HDAC9: variants seen among roughly 807,000 people sequenced by gnomAD.
HDAC9 encodes the protein MEF-2 interacting transcription repressor (MITR) protein.
A neutral mutation model predicts 139.4 loss-of-function variants in HDAC9; 41 were observed. The observed-to-expected ratio is 0.29, with a 90% CI of 0.23 to 0.38. The LOEUF (loss-of-function observed/expected upper bound fraction) is 0.38, where lower values mean the gene tolerates loss of function less well. Among genes scored for constraint, HDAC9 ranks in the 10% least tolerant of loss-of-function variants. The pLI, the probability that HDAC9 is intolerant of heterozygous loss-of-function variation, is 1.00. For synonymous variants in HDAC9, 517 were observed against 476.2 expected (o/e 1.09, Z -1.12); for missense variants, 1,147 against 1,297.0 (o/e 0.88, Z 1.78).
chr7:18,995,191 A>G (rs192944011), intron 25 of HDAC9, among the ~76,000 whole-genome samples: 2 of 152,342 alleles, frequency 1.3e-5, no homozygotes, highest in African/African-American at 4.8e-5. Context: ...TTAAATCAGC[A>G]GTTGCAAAAT....
At chr7:18,245,886 A>C (rs1430506258) in intron 2 of HDAC9, among the ~76,000 whole-genome samples, 1 of 151,916 alleles carries the variant, frequency 6.6e-6, no homozygotes, top group Non-Finnish European at 1.5e-5. Flanking sequence ...ATAGTGAATG[A>C]ATCAGGCTTA....
At chr7:18,279,993 A>G (rs771049295) in intron 2 of HDAC9, among the ~76,000 whole-genome samples, 23 of 152,234 alleles carry the variant, frequency 1.5e-4, no homozygotes, top group Non-Finnish European at 2.4e-4. Context: ...TACCCTTAAA[A>G]AGATTGAAAA....
chr7:18,989,813 A>G (rs1002131101), intron 25 of HDAC9, among the ~76,000 whole-genome samples: 8 of 124,438 alleles, frequency 6.4e-5, no homozygotes, highest in Non-Finnish European at 1.2e-4. Flanking sequence ...TTCATCTTCC[A>G]TTGCTGATAC....
At chr7:18,874,437 C>A in intron 21 of HDAC9, 41 bp from the exon 22 acceptor site, 1 of 1,275,796 alleles carries the variant, frequency 7.8e-7, no homozygotes, top group South Asian at 1.3e-5. Flanking sequence ...TAAAGGTATT[C>A]ACCAGTCCCA....
In HDAC9 at chr7:18,880,278, A is replaced by G. The variant is rs372527606; in HGVS notation, c.2803+5682A>G. 2.9e-4 allele frequency among the ~76,000 whole-genome samples: 44 copies of G among 152,300 alleles called. No individual in the cohort carries two copies. The East Asian group carries it at 8.3e-3, about 29-fold the overall frequency. ...TCCTCAAAGAGCTAAAAGTACAACC[A>G]CCATTTGATCCAGCAATCCCATTAC... is the stretch of plus-strand genomic sequence containing the variant. On this transcript the variant is annotated intron_variant, in intron 22 of 25. Coordinates refer to ENST00000686413, the MANE Select transcript of HDAC9 (RefSeq NM_178425.4).
intron 2 of HDAC9, among the ~76,000 whole-genome samples, chr7:18,582,383 G>A (rs149728469): frequency 5.7e-4 from 86 of 152,134 alleles, no homozygotes; most frequent in East Asian, 3.1e-3. Context: ...TTTAAAAACC[G>A]TGGTAGAATA....
chr7:18,553,367 G>T (rs776218577), intron 2 of HDAC9, among the ~76,000 whole-genome samples: 28 of 152,108 alleles, frequency 1.8e-4, no homozygotes, highest in Non-Finnish European at 4.0e-4. Context: ...CACTGTGGTT[G>T]TCTTAAAGCC....
upstream of HDAC9, among the ~76,000 whole-genome samples, chr7:18,285,794 T>C (rs926926387): frequency 1.6e-4 from 25 of 152,086 alleles, no homozygotes; most frequent in Non-Finnish European, 2.9e-5. Context: ...AGTGGTAGTT[T>C]TTCTCATTTA....
chr7:18,609,037 T>C (rs1188595530), intron 6 of HDAC9, among the ~76,000 whole-genome samples: 1 of 152,204 alleles, frequency 6.6e-6, no homozygotes, highest in Non-Finnish European at 1.5e-5. Flanking sequence ...AAGCCTTCAA[T>C]ATCTTTATTT....
rs549819308 is a variant in HDAC9 at position 18,439,329 on chromosome 7, G to T, written c.-41-56933G>T. Among the ~76,000 whole-genome samples the T allele has an allele frequency of 3.1e-4, 47 of 152,164 alleles. No individual in the cohort carries two copies. In the Middle Eastern group the frequency reaches 0.01, roughly 33 times the overall value. On this transcript the variant is annotated intron_variant, in intron 1 of 3. Transcript: ENST00000413509. ...ACGGTTTTCTATAAATACTGGAAGC[G>T]CATTGTAATTTGACTTCCCAATAGC...
At chr7:18,540,197 C>T (rs992399925) in intron 2 of HDAC9, among the ~76,000 whole-genome samples, 6 of 145,694 alleles carry the variant, frequency 4.1e-5, no homozygotes, top group African/African-American at 1.3e-4. Context: ...CACTTGAACC[C>T]GGGAAGCGGA....
At chr7:18,132,951 A>G (rs912135796) in intron 1 of HDAC9, among the ~76,000 whole-genome samples, 2 of 152,134 alleles carry the variant, frequency 1.3e-5, no homozygotes, top group African/African-American at 4.8e-5. Context: ...CTTTCAAAAT[A>G]ACTCTCAGAA....
chr7:18,207,079 T>TTTTG (rs1228173827), intron 2 of HDAC9, among the ~76,000 whole-genome samples: 3 of 151,744 alleles, frequency 2.0e-5, no homozygotes, highest in Non-Finnish European at 2.9e-5. Context: ...TGGGAATTGT[T>TTTTG]TTTGTTTGTT....
At chr7:18,470,979 T>C (rs1210285251) in intron 1 of HDAC9, among the ~76,000 whole-genome samples, 1 of 152,134 alleles carries the variant, frequency 6.6e-6, no homozygotes, top group Admixed American at 6.6e-5. Flanking sequence ...TGCTAGGGGA[T>C]TTTTCATTTA....
At chr7:18,538,558 T>C (rs1187595984) in intron 2 of HDAC9, among the ~76,000 whole-genome samples, 2 of 152,204 alleles carry the variant, frequency 1.3e-5, no homozygotes, top group African/African-American at 4.8e-5. Flanking sequence ...TGAGCCTTAA[T>C]TCCCTTGTGA....
At chr7:18,598,064 T>G (rs1832953172) in intron 6 of HDAC9, among the ~76,000 whole-genome samples, 1 of 152,198 alleles carries the variant, frequency 6.6e-6, no homozygotes, top group African/African-American at 2.4e-5. Flanking sequence ...TCTAGTACCT[T>G]GATGACCTAT....
At chr7:18,924,488 C>G (rs1368537476) in intron 22 of HDAC9, among the ~76,000 whole-genome samples, 2 of 152,026 alleles carry the variant, frequency 1.3e-5, no homozygotes, top group East Asian at 3.9e-4. Flanking sequence ...AGATACTTAT[C>G]TTTTAAAATC....
chr7:18,316,275 TC>T (rs1799630539), intron 1 of HDAC9, among the ~76,000 whole-genome samples: 1 of 152,172 alleles, frequency 6.6e-6, no homozygotes, highest in Admixed American at 6.5e-5. Context: ...GAAGAAATGT[TC>T]CTATTAATAG....
At chr7:18,610,136 G>A (rs977676786) in intron 6 of HDAC9, among the ~76,000 whole-genome samples, 1 of 152,134 alleles carries the variant, frequency 6.6e-6, no homozygotes, top group African/African-American at 2.4e-5. Context: ...CAATAGCAAA[G>A]ACTTGGAACC....
Sources: gnomAD v4.1 joint callset for allele counts (sites outside exome capture counted in the v4.1 genomes callset) on GRCh38, gnomAD v4.1.1 for gene constraint, MANE v1.5 for transcripts, NCBI Gene and HGNC (gene_info 2026-07-23, HGNC 2026-07-21) for gene names.